The following CR1 variants were observed in gnomAD, a reference collection of about 807,000 sequenced individuals.
The protein encoded by CR1 is complement receptor type 1.
In CR1, 116 loss-of-function variants were observed where a neutral mutation model predicts 187.3. The ratio of observed to expected loss-of-function variants is 0.62; its 90% confidence interval spans 0.53 to 0.72. CR1 has a LOEUF of 0.72. CR1 is among the 30% of genes least tolerant of loss of function. CR1 has a pLI of 0.00. For missense variants in CR1, 1,731 were observed against 2,110.7 expected (o/e 0.82, Z 3.52); for synonymous variants, 576 against 747.1 (o/e 0.77, Z 3.73).
chr1:207,501,981 TAA>T, intron 1 of CR1, among the ~76,000 whole-genome samples: 1 of 152,276 alleles, frequency 6.6e-6, no homozygotes, highest in East Asian at 1.9e-4. Flanking sequence ...TGAAAATTTT[TAA>T]AAATAGACTC....
intron 1 of CR1, 137 bp downstream of exon 1, chr1:207,496,525 C>G: frequency 1.2e-6 from 1 of 859,196 alleles, no homozygotes; most frequent in South Asian, 2.0e-5. Flanking sequence ...GGGCTGAGCG[C>G]GCGACCCGGC....
At chr1:207,632,334 G>A (rs1297925872) in intron 46 of CR1, among the ~76,000 whole-genome samples, 1 of 152,096 alleles carries the variant, frequency 6.6e-6, no homozygotes, top group Non-Finnish European at 1.5e-5. Flanking sequence ...AATATACCAA[G>A]GGGATATAAA....
At chr1:207,589,284 A>G (rs1271392519) in intron 35 of CR1, among the ~76,000 whole-genome samples, 3 of 152,160 alleles carry the variant, frequency 2.0e-5, no homozygotes, top group African/African-American at 7.2e-5. Context: ...GCCACACCAA[A>G]AGCCATTGCC....
rs566698380 is a variant in CR1, at chr1:207,608,542, T to C, written c.5897-748T>C. ...TCCCCCCCAAATTAACATTGACTTT[T>C]AAACATTAAATGAATGAGAATGTAT... On this transcript the variant is annotated intron_variant, in intron 36 of 46. Transcript: ENST00000367049. Among the ~76,000 whole-genome samples the C allele has an allele frequency of 2.6e-5, 4 of 152,310 alleles. 1 individual carries two copies. In the South Asian group the frequency reaches 8.3e-4, roughly 32 times the overall value.
rs376980117 is a variant in CR1, at chr1:207,612,034, G to A, written c.6568G>A (p.Asp2190Asn). The A allele has an allele frequency of 2.9e-5, 46 of 1,613,822 alleles. No individual in the cohort carries two copies. Among genetic ancestry groups the A allele is most frequent in the Admixed American group, 6.7e-5 (4 of 60,008 alleles). ...QLGAKVSFVC[D>N]EGFRLKGRSA... Reference sequence around the variant, plus strand: ...TGGGGCAAAGGTGTCCTTTGTTTGCGATGAAGGGTGAGTGTGACCCAGCGT... The same window carrying A: ...TGGGGCAAAGGTGTCCTTTGTTTGCAATGAAGGGTGAGTGTGACCCAGCGT... Residue 2190 changes from aspartate to asparagine, a missense_variant, in exon 39 of 47, where the codon GAT becomes AAT. Asp to Asn is a conservative substitution (Grantham distance 23). Around this residue, in one of 5 missense-constraint regions of CR1, gnomAD observed 1,312 missense variants for 1,379.6 expected, o/e 0.95. Transcript: ENST00000367049.
Position 207,633,837 on chromosome 1 carries a change from G to T in CR1, c.7457+3216G>T, listed in dbSNP as rs186658287. 4.2e-4 allele frequency among the ~76,000 whole-genome samples: 64 copies of T among 152,284 alleles called. 2 individuals are homozygous for T. Among genetic ancestry groups the T allele is most frequent in the African/African-American group, 1.5e-3 (61 of 41,548 alleles). On this transcript the variant is annotated intron_variant, in intron 46 of 46. Coordinates refer to ENST00000367049, the MANE Select transcript of CR1 (RefSeq NM_000651.6). ...TTTCACCTGGGTGCAGGCGGGCTGA[G>T]TCTGAAAAGAGTCAGCGAAGGGAGA...
At chr1:207,625,707 G>T (rs1233487590) in intron 45 of CR1, among the ~76,000 whole-genome samples, 4 of 152,144 alleles carry the variant, frequency 2.6e-5, no homozygotes, top group African/African-American at 9.7e-5. Flanking sequence ...ACTACTGATT[G>T]GTTGGGGATG....
intron 27 of CR1, among the ~76,000 whole-genome samples, chr1:207,572,705 T>C (rs1453702661): frequency 7.4e-5 from 11 of 149,244 alleles, no homozygotes; most frequent in Non-Finnish European, 1.5e-5. Context: ...ACAGAAGTTT[T>C]TGGAGTTCCA....
chr1:207,506,620 C>A (rs2102336546), intron 2 of CR1, 94 bp from the exon 3 acceptor site: 1 of 992,800 alleles, frequency 1.0e-6, no homozygotes, highest in Non-Finnish European at 1.6e-6. Context: ...TGCGTGTGTT[C>A]CTCAGTAAGC....
intron 27 of CR1, among the ~76,000 whole-genome samples, chr1:207,573,942 G>T (rs1660655152): frequency 6.6e-6 from 1 of 152,046 alleles, no homozygotes; most frequent in South Asian, 2.1e-4. Flanking sequence ...GACCAGCCTA[G>T]ACAACATGAC....
chr1:207,602,404 C>G (rs1391351900), intron 35 of CR1, among the ~76,000 whole-genome samples: 2 of 151,876 alleles, frequency 1.3e-5, no homozygotes, highest in Non-Finnish European at 2.9e-5. Flanking sequence ...TTAAATAAAA[C>G]CAATATTAAA....
Position 207,593,084 on chromosome 1 carries a change from C to CAAAAAAAAAAA in CR1, c.5810+4319_5810+4329dup, listed in dbSNP as rs57700679. On this transcript the variant is annotated intron_variant, in intron 35 of 46. Coordinates refer to ENST00000367049, the MANE Select transcript of CR1 (RefSeq NM_000651.6). ...ACCAATGGCTTTCTTCACAGAATTA[C>CAAAAAAAAAAA]AAAAAAAAAAAAAAAAAAACTACTT... is the stretch of plus-strand genomic sequence containing the variant. 3.0e-4 allele frequency among the ~76,000 whole-genome samples: 25 copies of CAAAAAAAAAAA among 83,104 alleles called. 1 individual carries two copies. The highest frequency in any genetic ancestry group is 5.8e-3 in the Middle Eastern group (1 of 172). 54.5% of individuals were successfully genotyped at this position (83,104 alleles called of 152,430 possible).
chr1:207,635,656 C>T (rs1045564511), intron 46 of CR1, among the ~76,000 whole-genome samples: 4 of 152,164 alleles, frequency 2.6e-5, no homozygotes, highest in African/African-American at 7.2e-5. Flanking sequence ...AGCGCAGACC[C>T]TTTACGGGTG....
At chr1:207,499,166 G>A (rs1390141768) in intron 1 of CR1, among the ~76,000 whole-genome samples, 1 of 152,112 alleles carries the variant, frequency 6.6e-6, no homozygotes, top group Non-Finnish European at 1.5e-5. Flanking sequence ...AATGGATAAA[G>A]ATATACCATG....
At position 207,630,633 on chromosome 1, in the gene CR1, C is replaced by T. The variant is rs1662612517; in HGVS notation, c.7457+12C>T. Reference sequence around the variant, plus strand: ...GAAGAAAATAGCAGGTACCTATATACATACTGAATTCAAAATGTTTTCAAC... The same window carrying T: ...GAAGAAAATAGCAGGTACCTATATATATACTGAATTCAAAATGTTTTCAAC... On this transcript the variant is annotated intron_variant, in intron 46 of 46. Coordinates refer to ENST00000367049, the MANE Select transcript of CR1 (RefSeq NM_000651.6). 1 of 1,521,442 alleles carries T rather than the reference C, an allele frequency of 6.6e-7. No individual in the cohort carries two copies. Among genetic ancestry groups the T allele is most frequent in the Non-Finnish European group, 8.9e-7 (1 of 1,128,336 alleles). 94.2% of individuals were successfully genotyped at this position (1,521,442 alleles called of 1,614,324 possible).
intron 46 of CR1, among the ~76,000 whole-genome samples, chr1:207,635,166 AG>A (rs1319869407): frequency 3.9e-5 from 6 of 152,132 alleles, no homozygotes; most frequent in Admixed American, 1.3e-4. Flanking sequence ...AGGTGGAACT[AG>A]AGACTTGGAA....
In CR1 at chr1:207,616,750, G is replaced by A. The variant is rs1558270576; in HGVS notation, c.6837G>A (p.Gly2279=). 1 of 1,613,964 alleles carries A rather than the reference G, an allele frequency of 6.2e-7. No individual in the cohort carries two copies. The highest frequency in any genetic ancestry group is 1.7e-5 in the Admixed American group (1 of 60,020). Residue 2279 remains glycine, a synonymous_variant, in exon 41 of 47, where the codon GGG becomes GGA. Coordinates refer to ENST00000367049, the MANE Select transcript of CR1 (RefSeq NM_000651.6). Reference sequence around the variant, plus strand: ...TCCGCTGCACAAGTGACCCTCAAGGGAATGGGGTTTGGAGCAGCCCTGCCC... The same window carrying A: ...TCCGCTGCACAAGTGACCCTCAAGGAAATGGGGTTTGGAGCAGCCCTGCCC... ...SSIRCTSDPQ[G]NGVWSSPAPR...
At chr1:207,524,976 G>C (rs1660122832) in intron 5 of CR1, among the ~76,000 whole-genome samples, 2 of 152,066 alleles carry the variant, frequency 1.3e-5, no homozygotes, top group Admixed American at 6.6e-5. Flanking sequence ...TGTACAGGAG[G>C]CATGGCTAGG....
intron 37 of CR1, among the ~76,000 whole-genome samples, chr1:207,611,077 C>T (rs1372467174): frequency 6.6e-6 from 1 of 151,964 alleles, no homozygotes; most frequent in Non-Finnish European, 1.5e-5. Flanking sequence ...ACCTCCCCTC[C>T]CTACCCTCAC....
Sources: gnomAD v4.1 joint callset for allele counts (sites outside exome capture counted in the v4.1 genomes callset) on GRCh38, gnomAD v4.1.1 for gene constraint, gnomAD v4.1.1 regional missense constraint, MANE v1.5 for transcripts, NCBI Gene and HGNC (gene_info 2026-07-23, HGNC 2026-07-21) for gene names.